Variants in ARHGEF33 observed in about 807,000 individuals in gnomAD.
The protein encoded by ARHGEF33 is DH and coiled-coil domain-containing protein ENSP00000381780.
In ARHGEF33, 72 loss-of-function variants were observed where a neutral mutation model predicts 101.9. That is an observed-to-expected ratio of 0.71 (90% confidence interval 0.58 to 0.86). ARHGEF33 has a LOEUF of 0.86. Ranked by LOEUF, ARHGEF33 falls within the 40% of genes least tolerant of loss-of-function variation. The pLI is 0.00. For synonymous variants in ARHGEF33, 499 were observed against 442.5 expected, an observed-to-expected ratio of 1.13 and a Z score of -1.60; for missense variants, 1,169 against 1,111.3, an observed-to-expected ratio of 1.05 and a Z score of -0.74.
intron 6 of ARHGEF33, among the ~76,000 whole-genome samples, chr2:38,930,652 T>C (rs144362198): frequency 1.3e-5 from 2 of 152,334 alleles, no homozygotes; most frequent in East Asian, 3.9e-4. Context: ...AACTTACTTA[T>C]GTGTTTTTAA....
chr2:38,921,506 C>T (rs1558428653), intron 4 of ARHGEF33, 83 bp downstream of exon 4: 2 of 925,476 alleles, frequency 2.2e-6, no homozygotes, highest in African/African-American at 1.6e-5. Context: ...GTTTTTAGCA[C>T]TCACAAGTGC....
intron 9 of ARHGEF33, among the ~76,000 whole-genome samples, chr2:38,939,959 T>C (rs765766184): frequency 8.5e-5 from 13 of 152,274 alleles, no homozygotes; most frequent in Non-Finnish European, 1.5e-4. Context: ...CTATGACTTA[T>C]GGTGAATAAA....
chr2:38,923,037 C>T (rs893806817), intron 4 of ARHGEF33, among the ~76,000 whole-genome samples: 2 of 152,174 alleles, frequency 1.3e-5, no homozygotes, highest in African/African-American at 4.8e-5. Flanking sequence ...AGTATGAGTA[C>T]CTCTTTAAAG....
At chr2:38,951,509 G>A (rs1251515012) in intron 11 of ARHGEF33, among the ~76,000 whole-genome samples, 1 of 152,032 alleles carries the variant, frequency 6.6e-6, no homozygotes, top group Non-Finnish European at 1.5e-5. Flanking sequence ...GCTCGTGCCT[G>A]TAATCCCAAC....
chr2:38,944,662 G>C (rs969264706), intron 10 of ARHGEF33, among the ~76,000 whole-genome samples: 1 of 152,070 alleles, frequency 6.6e-6, no homozygotes, highest in Admixed American at 6.6e-5. Flanking sequence ...AAACTTAAAG[G>C]GGGAACAAAT....
Position 38,968,284 on chromosome 2 carries a change from A to G in ARHGEF33, c.2483+2139A>G, listed in dbSNP as rs74650299. Among the ~76,000 whole-genome samples, 5 of 152,302 alleles carry G rather than the reference A, an allele frequency of 3.3e-5. No individual in the cohort carries two copies. In the East Asian group the frequency reaches 9.7e-4, roughly 29 times the overall value. On this transcript the variant is annotated intron_variant, in intron 17 of 17. Coordinates refer to ENST00000409978, the MANE Select transcript of ARHGEF33 (RefSeq NM_001145451.5). ...TGGGATGCCTCTGGTCAGGGATGCT[A>G]TGAAAGTGGTGCCTGCATGGAGTGG...
At chr2:38,959,290 A>C (rs1344961423) in intron 15 of ARHGEF33, 1 of 152,260 alleles carries the variant, frequency 6.6e-6, no homozygotes, top group African/African-American at 2.4e-5. Context: ...AGCATGCTTT[A>C]CAGTGACAAG....
intron 2 of ARHGEF33, among the ~76,000 whole-genome samples, chr2:38,896,671 AT>A (rs1329346946): frequency 2.6e-5 from 4 of 152,188 alleles, no homozygotes; most frequent in Non-Finnish European, 5.9e-5. Flanking sequence ...CACAGCTGGG[AT>A]TGGAAGCTAG....
rs1337732779 is a variant in ARHGEF33 at position 38,960,080 on chromosome 2, A to G, written c.1775A>G (p.Glu592Gly). ...CCGGCGGAGCCGCTGGGCAACGTGG[A>G]GCGCTCCCTGCGCGCCCCGGCCGAG... ...SSPAEPLGNVERSLRAPAELL... is the reference protein window; with the variant it reads ...SSPAEPLGNVGRSLRAPAELL... Residue 592 changes from glutamate (E) to glycine (G), a missense_variant, in exon 16 of 18, where the codon GAG becomes GGG. By Grantham distance (98) the Glu-to-Gly change is moderately conservative. Transcript: ENST00000409978. 6.5e-7 allele frequency: 1 copy of G among 1,542,262 alleles called. No homozygotes were observed. The highest frequency in any genetic ancestry group is 2.0e-5 in the Admixed American group (1 of 50,806).
chr2:38,932,188 T>C (rs1242471072), intron 7 of ARHGEF33, among the ~76,000 whole-genome samples: 1 of 152,142 alleles, frequency 6.6e-6, no homozygotes, highest in African/African-American at 2.4e-5. Context: ...AGTGGCACGA[T>C]CTCGGCTCAC....
At chr2:38,957,516 C>CAAATAA (rs1177736589) in intron 14 of ARHGEF33, among the ~76,000 whole-genome samples, 37 of 152,026 alleles carry the variant, frequency 2.4e-4, no homozygotes, top group African/African-American at 8.4e-4. Context: ...GGACAGTGAA[C>CAAATAA]AAATAAATAA....
chr2:38,956,481 G>A (rs1249477766), intron 13 of ARHGEF33, among the ~76,000 whole-genome samples: 1 of 152,232 alleles, frequency 6.6e-6, no homozygotes, highest in Non-Finnish European at 1.5e-5. Flanking sequence ...GAATGTAACA[G>A]AAGGGGCCAC....
intron 17 of ARHGEF33, among the ~76,000 whole-genome samples, chr2:38,969,053 C>T (rs1358221409): frequency 6.6e-6 from 1 of 152,208 alleles, no homozygotes; most frequent in Non-Finnish European, 1.5e-5. Flanking sequence ...ATCTTACATG[C>T]ATGCACTATG....
chr2:38,974,023 A>C lies in ARHGEF33; in HGVS notation c.*180A>C. 3.0e-6 allele frequency: 1 copy of C among 328,164 alleles called. No homozygotes were observed. The highest frequency in any genetic ancestry group is 4.6e-6 in the Non-Finnish European group (1 of 219,256). 20.3% of individuals were successfully genotyped at this position (328,164 alleles called of 1,614,324 possible). A position where few individuals can be genotyped will look rare whatever the true frequency, so the allele number is the denominator to read the frequency against. On this transcript the variant is annotated 3_prime_UTR_variant, in exon 18 of 18. Transcript: ENST00000409978. ...ACTAAACATACAAGACATTGAAGAGATGAAGATTAGTTTCTGGTTAAGATC... is the reference window on the plus strand; with the variant it reads ...ACTAAACATACAAGACATTGAAGAGCTGAAGATTAGTTTCTGGTTAAGATC...
Position 38,960,555 on chromosome 2 carries a change from C to G in ARHGEF33, c.2250C>G (p.Ala750=). ...GCGCCGCGCAGGCGCACGGCCCGGCCGCCGCCGCCGTCGCCGCCCGCGGCG... is the reference window on the plus strand; with the variant it reads ...GCGCCGCGCAGGCGCACGGCCCGGCGGCCGCCGCCGTCGCCGCCCGCGGCG... ...AERAAQAHGP[A]AAAVAARGAS... is the part of the protein sequence containing the mutation. Residue 750 remains alanine, a synonymous_variant, in exon 16 of 18, where the codon GCC becomes GCG. Coordinates refer to ENST00000409978, the MANE Select transcript of ARHGEF33 (RefSeq NM_001145451.5). 4 of 1,268,458 alleles carry G rather than the reference C, an allele frequency of 3.2e-6. No individual in the cohort carries two copies. Among genetic ancestry groups the G allele is most frequent in the South Asian group, 2.0e-5 (1 of 50,542 alleles). 78.6% of individuals were successfully genotyped at this position (1,268,458 alleles called of 1,614,324 possible).
intron 2 of ARHGEF33, among the ~76,000 whole-genome samples, chr2:38,912,486 A>G (rs916519814): frequency 2.0e-5 from 3 of 152,200 alleles, no homozygotes; most frequent in Non-Finnish European, 2.9e-5. Context: ...CCTTTAATAC[A>G]TATTCATTAT....
At chr2:38,950,663 T>A (rs1667576906) in intron 10 of ARHGEF33, among the ~76,000 whole-genome samples, 1 of 152,214 alleles carries the variant, frequency 6.6e-6, no homozygotes, top group Non-Finnish European at 1.5e-5. Context: ...TTGGCCAGGC[T>A]GGTCTCGAAC....
chr2:38,958,336 C>T (rs918858791), intron 15 of ARHGEF33, 138 bp downstream of exon 15: 21 of 1,105,150 alleles, frequency 1.9e-5, no homozygotes, highest in Non-Finnish European at 2.5e-5. Context: ...GCAGCCAACC[C>T]GATTCTTGGG....
At chr2:38,923,112 T>C (rs936426289) in intron 4 of ARHGEF33, among the ~76,000 whole-genome samples, 3 of 152,186 alleles carry the variant, frequency 2.0e-5, no homozygotes, top group Non-Finnish European at 2.9e-5. Flanking sequence ...TGGCTAAATA[T>C]AGCTGCAGTG....
Sources: allele counts gnomAD v4.1 joint callset (sites outside exome capture counted in the v4.1 genomes callset), GRCh38; gene constraint gnomAD v4.1.1; transcripts MANE v1.5; gene names NCBI Gene and HGNC (gene_info 2026-07-23, HGNC 2026-07-21).